Variants in HIPK2 observed in about 807,000 individuals in gnomAD.
HIPK2 encodes the protein homeodomain interacting protein kinase 2.
HIPK2 carries 27 observed loss-of-function variants against 113.7 expected under a neutral mutation model. The observed-to-expected ratio is 0.24, with a 90% CI of 0.17 to 0.33. HIPK2 has a LOEUF of 0.33. HIPK2 is among the 10% of genes least tolerant of loss of function. The pLI, the probability that HIPK2 is intolerant of heterozygous loss-of-function variation, is 1.00. For synonymous variants in HIPK2, 631 were observed against 642.2 expected (o/e 0.98, Z 0.26); for missense variants, 1,257 against 1,588.0 (o/e 0.79, Z 3.54).
chr7:139,765,887 C>T (rs1267440167), intron 1 of HIPK2, among the ~76,000 whole-genome samples: 1 of 152,224 alleles, frequency 6.6e-6, no homozygotes, highest in Non-Finnish European at 1.5e-5. Flanking sequence ...GAGCTAACCC[C>T]TTCACCACTC....
intron 2 of HIPK2, among the ~76,000 whole-genome samples, chr7:139,643,010 G>A (rs926837143): frequency 1.3e-5 from 2 of 152,216 alleles, no homozygotes; most frequent in African/African-American, 4.8e-5. Context: ...GCAGCTTGAT[G>A]TAATACACGT....
intron 1 of HIPK2, among the ~76,000 whole-genome samples, chr7:139,718,834 C>A (rs1451411266): frequency 6.6e-6 from 1 of 152,158 alleles, no homozygotes; most frequent in Non-Finnish European, 1.5e-5. Flanking sequence ...CCTCTTAATT[C>A]TTTCCCTCCT....
chr7:139,621,207 G>T lies in HIPK2; in HGVS notation c.1620-644C>A, dbSNP rs533799265. ...TACTCTGCAACCTCTCACTCGGTCC[G>T]GCAACATCCATAAGACGGAGACATG... On this transcript the variant is annotated intron_variant, in intron 6 of 14. Transcript: ENST00000406875. Among the ~76,000 whole-genome samples, 5 of 152,240 alleles carry T rather than the reference G, an allele frequency of 3.3e-5. 1 individual carries two copies. In the South Asian group the frequency reaches 6.2e-4, roughly 19 times the overall value.
chr7:139,674,245 G>A (rs1490553843), intron 2 of HIPK2, among the ~76,000 whole-genome samples: 3 of 152,172 alleles, frequency 2.0e-5, no homozygotes. Flanking sequence ...GCTGTGGTGG[G>A]GAAGGCCTCT....
At chr7:139,643,706 G>A (rs1801109544) in intron 2 of HIPK2, among the ~76,000 whole-genome samples, 1 of 152,060 alleles carries the variant, frequency 6.6e-6, no homozygotes, top group Non-Finnish European at 1.5e-5. Context: ...GGTGAAATAA[G>A]AAAAGCAAGA....
rs1393581339 is a variant in HIPK2, at chr7:139,664,325, G to A, written c.1104-32600C>T. Reference sequence around the variant, plus strand: ...GGCCAAGGCAGGTGGATCACCTGAGGTCAGGAGTTCGAGACCAGCCTGACC... The same window carrying A: ...GGCCAAGGCAGGTGGATCACCTGAGATCAGGAGTTCGAGACCAGCCTGACC... On this transcript the variant is annotated intron_variant, in intron 2 of 14. Transcript: ENST00000406875. Among the ~76,000 whole-genome samples the A allele has an allele frequency of 1.3e-5, 2 of 152,088 alleles. 1 individual carries two copies. The highest frequency in any genetic ancestry group is 1.3e-4 in the Admixed American group (2 of 15,264).
At chr7:139,742,506 C>G (rs533212390) in intron 1 of HIPK2, among the ~76,000 whole-genome samples, 2 of 149,938 alleles carry the variant, frequency 1.3e-5, no homozygotes, top group South Asian at 4.2e-4. Context: ...AGGGAAACTT[C>G]TTTTTTTTTT....
intron 1 of HIPK2, among the ~76,000 whole-genome samples, chr7:139,761,801 A>C (rs1311449390): frequency 6.6e-6 from 1 of 152,200 alleles, no homozygotes; most frequent in Non-Finnish European, 1.5e-5. Flanking sequence ...ACTTTATTGA[A>C]ATACAAAGTT....
At chr7:139,583,098 CG>C (rs1198143407) in intron 13 of HIPK2, among the ~76,000 whole-genome samples, 6 of 152,332 alleles carry the variant, frequency 3.9e-5, no homozygotes, top group Non-Finnish European at 7.4e-5. Flanking sequence ...TGGTTTGTGG[CG>C]GAATAGCGGG....
chr7:139,659,165 C>T (rs965781350), intron 2 of HIPK2, among the ~76,000 whole-genome samples: 11 of 152,158 alleles, frequency 7.2e-5, no homozygotes, highest in Admixed American at 7.2e-4. Flanking sequence ...CCTTAATGAA[C>T]TCACTTGCTT....
intron 2 of HIPK2, among the ~76,000 whole-genome samples, chr7:139,687,869 G>A (rs1228880733): frequency 6.6e-6 from 1 of 152,208 alleles, no homozygotes; most frequent in African/African-American, 2.4e-5. Flanking sequence ...ATGTATGGGT[G>A]ATTGGGAGAA....
At chr7:139,744,779 T>C (rs887298251) in intron 1 of HIPK2, among the ~76,000 whole-genome samples, 2 of 152,196 alleles carry the variant, frequency 1.3e-5, no homozygotes, top group African/African-American at 2.4e-5. Context: ...CTAGGTTTGC[T>C]GACTCCGGAG....
chr7:139,715,360 C>G (rs1280856940), intron 2 of HIPK2, among the ~76,000 whole-genome samples: 1 of 152,218 alleles, frequency 6.6e-6, no homozygotes, highest in African/African-American at 2.4e-5. Flanking sequence ...CCCTTCTGCA[C>G]GTGGATAGAC....
At chr7:139,754,446 G>A (rs10253206) in intron 1 of HIPK2, among the ~76,000 whole-genome samples, 4,908 of 152,208 alleles carry the variant, frequency 0.032, 185 homozygotes, top group East Asian at 0.087. Flanking sequence ...GGGCTGAAAC[G>A]AGCAGCAGGA....
chr7:139,622,798 C>T (rs954932013), intron 6 of HIPK2, among the ~76,000 whole-genome samples: 4 of 152,188 alleles, frequency 2.6e-5, no homozygotes, highest in Non-Finnish European at 4.4e-5. Flanking sequence ...CAGAGACCCA[C>T]CTTTCCTTCT....
intron 2 of HIPK2, among the ~76,000 whole-genome samples, chr7:139,705,360 A>G (rs1189638658): frequency 6.6e-6 from 1 of 150,582 alleles, no homozygotes; most frequent in East Asian, 1.9e-4. Context: ...GAAAACTACT[A>G]CCAACTGCTA....
At chr7:139,628,447 T>G (rs1245927058) in intron 5 of HIPK2, among the ~76,000 whole-genome samples, 1 of 152,196 alleles carries the variant, frequency 6.6e-6, no homozygotes, top group Non-Finnish European at 1.5e-5. Context: ...ATGATTGTTT[T>G]TTTGTTTTTT....
intron 2 of HIPK2, among the ~76,000 whole-genome samples, chr7:139,665,930 A>G (rs981646842): frequency 1.3e-5 from 2 of 150,390 alleles, no homozygotes; most frequent in African/African-American, 2.4e-5. Flanking sequence ...AAGCTCTTTC[A>G]AGTCAATAAG....
At chr7:139,768,992 A>G (rs771293050) in intron 1 of HIPK2, among the ~76,000 whole-genome samples, 22 of 152,220 alleles carry the variant, frequency 1.4e-4, no homozygotes, top group Non-Finnish European at 2.8e-4. Flanking sequence ...AGACCCCACC[A>G]GGGTTATACT....
Sources: allele counts gnomAD v4.1 joint callset (sites outside exome capture counted in the v4.1 genomes callset), GRCh38; gene constraint gnomAD v4.1.1; transcripts MANE v1.5; gene names NCBI Gene and HGNC (gene_info 2026-07-23, HGNC 2026-07-21).